Variants in PAK5 observed in about 807,000 individuals in gnomAD.
PAK5 encodes serine/threonine-protein kinase PAK 5.
In PAK5, 16 loss-of-function variants were observed where a neutral mutation model predicts 65.9. The observed-to-expected ratio is 0.24, with a 90% confidence interval of 0.16 to 0.37. The LOEUF (loss-of-function observed/expected upper bound fraction) is 0.37, where lower values mean the gene tolerates loss of function less well. Ranked by LOEUF, PAK5 falls within the 10% of genes least tolerant of loss-of-function variation. The pLI is 1.00. For missense variants in PAK5, 785 were observed against 903.9 expected, an observed-to-expected ratio of 0.87 and a Z score of 1.69; for synonymous variants, 371 against 354.9, an observed-to-expected ratio of 1.05 and a Z score of -0.51.
chr20:9,796,072 T>C (rs2049101237), intron 1 of PAK5, among the ~76,000 whole-genome samples: 1 of 152,056 alleles, frequency 6.6e-6, no homozygotes, highest in South Asian at 2.1e-4. Flanking sequence ...TAAATATTAT[T>C]CAGTCCCCCA....
chr20:9,636,771 C>A (rs1312822150), intron 3 of PAK5, among the ~76,000 whole-genome samples: 1 of 152,088 alleles, frequency 6.6e-6, no homozygotes, highest in East Asian at 1.9e-4. Flanking sequence ...AGATTGCTGG[C>A]CAACTAGAAA....
chr20:9,728,051 C>A (rs1191234524), intron 1 of PAK5, among the ~76,000 whole-genome samples: 1 of 152,068 alleles, frequency 6.6e-6, no homozygotes, highest in Non-Finnish European at 1.5e-5. Context: ...TATGTTGGAA[C>A]TTAACCCCCA....
chr20:9,822,482 A>C (rs2049434164), intron 1 of PAK5, among the ~76,000 whole-genome samples: 1 of 152,148 alleles, frequency 6.6e-6, no homozygotes, highest in Non-Finnish European at 1.5e-5. Flanking sequence ...TAGTTATATC[A>C]TCTTGTTCAT....
At chr20:9,640,432 G>A (rs938910616) in intron 3 of PAK5, among the ~76,000 whole-genome samples, 1 of 152,008 alleles carries the variant, frequency 6.6e-6, no homozygotes, top group Non-Finnish European at 1.5e-5. Flanking sequence ...TGGTATATAT[G>A]TGCAACATTT....
chr20:9,773,130 C>T (rs2077230411), intron 1 of PAK5, among the ~76,000 whole-genome samples: 1 of 152,142 alleles, frequency 6.6e-6, no homozygotes, highest in South Asian at 2.1e-4. Context: ...GCTGGCTTTG[C>T]CTAAAGAAGT....
chr20:9,772,976 A>T (rs2048850543), intron 1 of PAK5, among the ~76,000 whole-genome samples: 1 of 152,144 alleles, frequency 6.6e-6, no homozygotes, highest in South Asian at 2.1e-4. Context: ...TTTTCAGGAG[A>T]TCTGCTTTTG....
intron 2 of PAK5, among the ~76,000 whole-genome samples, chr20:9,682,922 A>T (rs1185897189): frequency 1.3e-5 from 2 of 152,234 alleles, no homozygotes; most frequent in Non-Finnish European, 2.9e-5. Context: ...GTAGCTTTAT[A>T]TATTCTGTGA....
chr20:9,645,492 T>G (rs1310057981), intron 2 of PAK5, among the ~76,000 whole-genome samples: 1 of 152,240 alleles, frequency 6.6e-6, no homozygotes, highest in Non-Finnish European at 1.5e-5. Flanking sequence ...GCATGGGCAT[T>G]GTGAAAGATG....
At chr20:9,659,570 T>C (rs1374041311) in intron 2 of PAK5, among the ~76,000 whole-genome samples, 1 of 152,174 alleles carries the variant, frequency 6.6e-6, no homozygotes, top group Non-Finnish European at 1.5e-5. Flanking sequence ...TCATTGATTA[T>C]ATGAATTTTA....
intron 1 of PAK5, among the ~76,000 whole-genome samples, chr20:9,724,141 T>A (rs2048248931): frequency 6.6e-6 from 1 of 152,198 alleles, no homozygotes; most frequent in Admixed American, 6.5e-5. Flanking sequence ...GTTATTTACT[T>A]CCACAAGCAC....
At chr20:9,725,813 C>T (rs933724571) in intron 1 of PAK5, among the ~76,000 whole-genome samples, 3 of 151,872 alleles carry the variant, frequency 2.0e-5, no homozygotes, top group African/African-American at 4.8e-5. Flanking sequence ...ATTTTAAATG[C>T]ACTGATATGT....
At chr20:9,762,257 C>CA (rs1370707988) in intron 1 of PAK5, among the ~76,000 whole-genome samples, 1 of 152,012 alleles carries the variant, frequency 6.6e-6, no homozygotes, top group East Asian at 1.9e-4. Context: ...CAAAAATAAA[C>CA]AAATGGGACT....
At chr20:9,625,576 C>A (rs1328414183) in intron 3 of PAK5, among the ~76,000 whole-genome samples, 2 of 151,838 alleles carry the variant, frequency 1.3e-5, no homozygotes, top group Admixed American at 1.3e-4. Flanking sequence ...TTTTTCTTTT[C>A]TTTTTCTTAC....
At chr20:9,739,744 A>T (rs1469466418) in intron 1 of PAK5, among the ~76,000 whole-genome samples, 1 of 152,176 alleles carries the variant, frequency 6.6e-6, no homozygotes, top group Non-Finnish European at 1.5e-5. Context: ...AGAATACAAG[A>T]CTGACTGGAG....
At chr20:9,604,350 C>T (rs118049928) in intron 3 of PAK5, among the ~76,000 whole-genome samples, 2,073 of 152,358 alleles carry the variant, frequency 0.014, 26 homozygotes, top group Middle Eastern at 0.024. Flanking sequence ...TTTCCTGCCA[C>T]TGGACCCTCT....
At chr20:9,589,594 T>C (rs1207004461) in intron 3 of PAK5, among the ~76,000 whole-genome samples, 1 of 152,190 alleles carries the variant, frequency 6.6e-6, no homozygotes, top group East Asian at 1.9e-4. Context: ...GGTAAGGGAT[T>C]CTAACCAGAA....
intron 1 of PAK5, among the ~76,000 whole-genome samples, chr20:9,722,764 G>T (rs370080064): frequency 1.3e-5 from 2 of 150,718 alleles, no homozygotes; most frequent in East Asian, 3.9e-4. Context: ...TTTTTAGAAG[G>T]CTTGCTCTAT....
At chr20:9,700,854 C>T (rs997182901) in intron 2 of PAK5, among the ~76,000 whole-genome samples, 4 of 152,046 alleles carry the variant, frequency 2.6e-5, no homozygotes, top group Admixed American at 6.6e-5. Context: ...ATGTTTTGTT[C>T]CCCCAGAAAA....
chr20:9,646,719 C>T (rs1456218725), intron 2 of PAK5, among the ~76,000 whole-genome samples: 1 of 152,180 alleles, frequency 6.6e-6, no homozygotes, highest in Non-Finnish European at 1.5e-5. Context: ...GAAAATATGA[C>T]ACCAATACGC....
Sources: gnomAD v4.1 joint callset for allele counts (sites outside exome capture counted in the v4.1 genomes callset) on GRCh38, gnomAD v4.1.1 for gene constraint, MANE v1.5 for transcripts, NCBI Gene and HGNC (gene_info 2026-07-23, HGNC 2026-07-21) for gene names.